GRAMD2B: variants seen among roughly 807,000 people sequenced by gnomAD.
The protein encoded by GRAMD2B is GRAM domain-containing protein 2B.
Under a neutral mutation model 59.2 loss-of-function variants are expected in GRAMD2B, and 41 were observed. The observed-to-expected ratio is 0.69, with a 90% CI of 0.54 to 0.90. The LOEUF (loss-of-function observed/expected upper bound fraction) is 0.90, where lower values mean the gene tolerates loss of function less well. GRAMD2B is among the 40% of genes least tolerant of loss of function. GRAMD2B has a pLI of 0.00. For synonymous variants in GRAMD2B, 161 were observed against 182.7 expected (o/e 0.88, Z 0.96); for missense variants, 424 against 500.5 (o/e 0.85, Z 1.46).
At chr5:126,415,190 G>C (rs1333222919) in intron 1 of GRAMD2B, among the ~76,000 whole-genome samples, 1 of 152,152 alleles carries the variant, frequency 6.6e-6, no homozygotes, top group African/African-American at 2.4e-5. Context: ...AATTGGGAAT[G>C]AGTGGTTTGT....
intron 1 of GRAMD2B, among the ~76,000 whole-genome samples, chr5:126,365,082 A>G (rs1754379522): frequency 6.6e-6 from 1 of 152,130 alleles, no homozygotes; most frequent in African/African-American, 2.4e-5. Flanking sequence ...GTTCATTGTG[A>G]TTATCTCTGG....
At chr5:126,425,985 T>A (rs4835899) in intron 1 of GRAMD2B, among the ~76,000 whole-genome samples, 120,432 of 151,788 alleles carry the variant, frequency 0.79, 47,907 homozygotes, top group East Asian at 0.97. Context: ...TATATTTCAA[T>A]ATAACTAAGA....
intron 1 of GRAMD2B, among the ~76,000 whole-genome samples, chr5:126,428,203 C>G (rs1204453535): frequency 6.6e-6 from 1 of 152,090 alleles, no homozygotes; most frequent in East Asian, 1.9e-4. Context: ...GCACTCCAGC[C>G]TGGGCAACAT....
chr5:126,417,543 T>C (rs1759365330), intron 1 of GRAMD2B, among the ~76,000 whole-genome samples: 2 of 152,178 alleles, frequency 1.3e-5, no homozygotes, highest in Admixed American at 1.3e-4. Flanking sequence ...TTTATCTGAG[T>C]GCAAATGCAT....
intron 1 of GRAMD2B, among the ~76,000 whole-genome samples, chr5:126,398,721 A>G (rs1359626910): frequency 6.6e-6 from 1 of 152,048 alleles, no homozygotes; most frequent in African/African-American, 2.4e-5. Context: ...CTTCTTCTTT[A>G]AAGTAGGCAT....
chr5:126,370,074 T>G (rs73330496), upstream of GRAMD2B, among the ~76,000 whole-genome samples: 445 of 152,324 alleles, frequency 2.9e-3, 5 homozygotes, highest in African/African-American at 0.01. Context: ...CCTTCAGAAC[T>G]GTAGCATGAG....
At chr5:126,489,640 G>A (rs935859431) in intron 13 of GRAMD2B, among the ~76,000 whole-genome samples, 1 of 152,202 alleles carries the variant, frequency 6.6e-6, no homozygotes, top group Non-Finnish European at 1.5e-5. Flanking sequence ...ACTGTCCTTA[G>A]CCTGTGGCAT....
At chr5:126,447,520 C>T (rs550630782) in intron 1 of GRAMD2B, among the ~76,000 whole-genome samples, 137 of 152,036 alleles carry the variant, frequency 9.0e-4, no homozygotes, top group African/African-American at 2.8e-3. Context: ...AAAAATTAGC[C>T]GGGCGTGGTG....
chr5:126,434,764 G>A (rs898345907), intron 1 of GRAMD2B, among the ~76,000 whole-genome samples: 3 of 152,108 alleles, frequency 2.0e-5, no homozygotes, highest in Non-Finnish European at 2.9e-5. Flanking sequence ...TGATCCACCC[G>A]CCTCGGCCTC....
chr5:126,414,054 G>C (rs1759057483), intron 1 of GRAMD2B, among the ~76,000 whole-genome samples: 1 of 152,052 alleles, frequency 6.6e-6, no homozygotes, highest in Non-Finnish European at 1.5e-5. Context: ...CTCAAACAAG[G>C]AGAGTTGTTT....
At chr5:126,445,469 T>A (rs945479486) in intron 1 of GRAMD2B, 2 of 152,174 alleles carry the variant, frequency 1.3e-5, no homozygotes, top group Non-Finnish European at 2.9e-5. Context: ...TTTTTTCATA[T>A]GAAAAATCCA....
intron 1 of GRAMD2B, among the ~76,000 whole-genome samples, chr5:126,411,183 A>G (rs1413558070): frequency 6.6e-6 from 1 of 151,980 alleles, no homozygotes; most frequent in Non-Finnish European, 1.5e-5. Flanking sequence ...TCCCAAGGCC[A>G]ATGTCCAAAA....
upstream of GRAMD2B, among the ~76,000 whole-genome samples, chr5:126,370,238 G>C (rs921535114): frequency 3.9e-5 from 6 of 152,186 alleles, no homozygotes; most frequent in African/African-American, 1.4e-4. Context: ...CACTTCAAAA[G>C]TGTTCTTAGG....
chr5:126,484,966 C>A (rs1381181355), intron 10 of GRAMD2B, among the ~76,000 whole-genome samples: 1 of 152,132 alleles, frequency 6.6e-6, no homozygotes, highest in Non-Finnish European at 1.5e-5. Context: ...CATATTAATT[C>A]ACTTATTCTT....
chr5:126,481,209 AAGAAAGAAAGAAAGAAAG>A (rs1561598697), intron 8 of GRAMD2B, among the ~76,000 whole-genome samples: 8 of 65,964 alleles, frequency 1.2e-4, no homozygotes, highest in South Asian at 6.6e-4. Context: ...AAAAAAAAGA[AAGAAAGAAAGAAAGAAAG>A]AAAGAAAGAA....
At chr5:126,462,592 T>TGAAC (rs1285451844) in intron 1 of GRAMD2B, 2 of 251,150 alleles carry the variant, frequency 8.0e-6, no homozygotes, top group Non-Finnish European at 1.3e-5. Flanking sequence ...TCCATATCAT[T>TGAAC]GAACGTATAA....
At chr5:126,484,859 T>C (rs1310432645) in intron 10 of GRAMD2B, among the ~76,000 whole-genome samples, 3 of 152,114 alleles carry the variant, frequency 2.0e-5, no homozygotes, top group Non-Finnish European at 4.4e-5. Context: ...GCTGAGATTA[T>C]AGGCTTGAGC....
upstream of GRAMD2B, among the ~76,000 whole-genome samples, chr5:126,368,018 TG>T (rs1754546888): frequency 6.6e-6 from 1 of 152,262 alleles, no homozygotes; most frequent in Non-Finnish European, 1.5e-5. Flanking sequence ...CCCAAAGTGC[TG>T]GGATTACAGG....
At position 126,484,409 on chromosome 5, in the gene GRAMD2B, T is replaced by C. The variant is rs1202636129; in HGVS notation, c.855T>C (p.His285=). Residue 285 remains histidine (H), a synonymous_variant, in exon 10 of 14, where the codon CAT becomes CAC. Coordinates refer to ENST00000285689, the MANE Select transcript of GRAMD2B (RefSeq NM_023927.4). ...TCTGTTTTGGCTTAGTAGATTTCCA[T>C]GCGACAGAATCCCAAACAGTTCTGA... The part of the protein sequence containing the change: ...TPESENSRDF[H]ATESQTVLNV... 1 of 1,613,572 alleles carries C rather than the reference T, an allele frequency of 6.2e-7. No homozygotes were observed. Among genetic ancestry groups the C allele is most frequent in the South Asian group, 1.1e-5 (1 of 90,890 alleles).
Sources: gnomAD v4.1 joint callset for allele counts (sites outside exome capture counted in the v4.1 genomes callset) on GRCh38, gnomAD v4.1.1 for gene constraint, MANE v1.5 for transcripts, NCBI Gene and HGNC (gene_info 2026-07-23, HGNC 2026-07-21) for gene names.